The following VPS13D variants were observed in gnomAD, a reference collection of about 807,000 sequenced individuals.
VPS13D encodes intermembrane lipid transfer protein VPS13D.
A neutral mutation model predicts 461.9 loss-of-function variants in VPS13D; 187 were observed. The observed-to-expected ratio is 0.40, with a 90% CI of 0.36 to 0.46. The LOEUF (loss-of-function observed/expected upper bound fraction) is 0.46. Ranked by LOEUF, VPS13D falls within the 20% of genes least tolerant of loss-of-function variation. The pLI is 0.60. For missense variants in VPS13D, 4,711 were observed against 5,364.9 expected (o/e 0.88, Z 3.81); for synonymous variants, 1,951 against 1,986.3 (o/e 0.98, Z 0.47).
At chr1:12,501,371 T>C (rs544114445) in intron 68 of VPS13D, among the ~76,000 whole-genome samples, 2 of 152,350 alleles carry the variant, frequency 1.3e-5, no homozygotes, top group South Asian at 2.1e-4. Flanking sequence ...CAGGAAATAA[T>C]GTACTAGTAA....
intron 57 of VPS13D, among the ~76,000 whole-genome samples, chr1:12,382,195 G>C (rs1299122073): frequency 6.6e-6 from 1 of 151,552 alleles, no homozygotes; most frequent in African/African-American, 2.4e-5. Flanking sequence ...TCCGCCTCCC[G>C]GGCTCAAGCG....
chr1:12,449,094 G>A (rs1279400292), intron 65 of VPS13D, among the ~76,000 whole-genome samples: 1 of 151,910 alleles, frequency 6.6e-6, no homozygotes, highest in African/African-American at 2.4e-5. Context: ...AACATGGTGT[G>A]CATCTTAGGG....
intron 13 of VPS13D, among the ~76,000 whole-genome samples, chr1:12,266,079 C>A (rs1435858652): frequency 6.6e-6 from 1 of 152,160 alleles, no homozygotes; most frequent in Non-Finnish European, 1.5e-5. Context: ...GTAGGAGGAT[C>A]CCTTGAGCCC....
At chr1:12,474,425 G>C (rs993883590) in intron 67 of VPS13D, among the ~76,000 whole-genome samples, 6 of 151,920 alleles carry the variant, frequency 3.9e-5, no homozygotes, top group African/African-American at 1.5e-4. Context: ...GGGCTGATCT[G>C]TCTGACTCCC....
At chr1:12,427,033 T>C (rs1644932300) in intron 65 of VPS13D, among the ~76,000 whole-genome samples, 1 of 151,854 alleles carries the variant, frequency 6.6e-6, no homozygotes, top group African/African-American at 2.4e-5. Context: ...AATAAATAAA[T>C]AAATAAATTT....
intron 26 of VPS13D, among the ~76,000 whole-genome samples, chr1:12,306,796 A>G (rs1642577514): frequency 6.6e-6 from 1 of 152,190 alleles, no homozygotes; most frequent in Non-Finnish European, 1.5e-5. Flanking sequence ...AAACTGTTCC[A>G]CCGCAGATCA....
intron 55 of VPS13D, among the ~76,000 whole-genome samples, chr1:12,376,348 C>G (rs547388706): frequency 5.3e-5 from 8 of 152,316 alleles, no homozygotes; most frequent in Admixed American, 3.3e-4. Flanking sequence ...CCATTTCTCT[C>G]AGTTTCATTT....
rs530609360 is a variant in VPS13D, at chr1:12,280,881, ATAAT to A, written c.4602+1235_4602+1238del. On this transcript the variant is annotated intron_variant, in intron 20 of 69. Transcript: ENST00000620676. ...ATTGTAGATAATTCTTTCTTTAAAA[ATAAT>A]TAAGATAATTATTTGAATTCTTTAA... 6.8e-4 allele frequency among the ~76,000 whole-genome samples: 104 copies of A among 152,238 alleles called. 4 individuals carry two copies. The South Asian group carries it at 0.021, about 30-fold the overall frequency.
chr1:12,400,348 G>A lies in VPS13D; in HGVS notation c.11784+18G>A. ...TCTACAAGGTGGGCTGGTGGAGGAG[G>A]CTGGTGGGTTGATGCCATGCTGGAA... On this transcript the variant is annotated intron_variant, in intron 61 of 69. Coordinates refer to ENST00000620676, the MANE Select transcript of VPS13D (RefSeq NM_015378.4). 6.2e-7 allele frequency: 1 copy of A among 1,613,310 alleles called. No homozygotes were observed. The highest frequency in any genetic ancestry group is 1.1e-5 in the South Asian group (1 of 90,874).
chr1:12,442,269 A>T (rs562226290), intron 65 of VPS13D, among the ~76,000 whole-genome samples: 1 of 152,360 alleles, frequency 6.6e-6, no homozygotes, highest in East Asian at 1.9e-4. Context: ...TGTAATCAAT[A>T]TGTAAAAATT....
At chr1:12,421,653 CA>C (rs1644864734) in intron 65 of VPS13D, among the ~76,000 whole-genome samples, 2 of 152,160 alleles carry the variant, frequency 1.3e-5, no homozygotes, top group Admixed American at 1.3e-4. Context: ...AACAATAGAG[CA>C]AATGATCCCA....
At chr1:12,498,688 C>T (rs1432420166) in intron 68 of VPS13D, among the ~76,000 whole-genome samples, 1 of 152,114 alleles carries the variant, frequency 6.6e-6, no homozygotes, top group Non-Finnish European at 1.5e-5. Flanking sequence ...TTTGTCTTCT[C>T]ACAGTTCTAA....
chr1:12,299,900 C>T lies in VPS13D; in HGVS notation c.6216+516C>T, dbSNP rs1202220221. Among the ~76,000 whole-genome samples the T allele has an allele frequency of 6.7e-6, 1 of 149,840 alleles. No homozygotes were observed. The highest frequency in any genetic ancestry group is 1.5e-5 in the Non-Finnish European group (1 of 67,564). The stretch of plus-strand genomic sequence containing the variant: ...TTTACAGTTTTAAATTACTGTGGCA[C>T]CTTTTTTTTTTTTTCAACTTTTGTT... On this transcript the variant is annotated intron_variant, in intron 25 of 69. Coordinates refer to ENST00000620676, the MANE Select transcript of VPS13D (RefSeq NM_015378.4). This position sits in a 1 kb window ranked among gnomAD's most constrained non-coding sequence, Gnocchi z 4.2.
At chr1:12,450,279 C>T (rs992715477) in intron 65 of VPS13D, among the ~76,000 whole-genome samples, 31 of 152,232 alleles carry the variant, frequency 2.0e-4, no homozygotes, top group Admixed American at 1.6e-3. Flanking sequence ...TTGACTACAT[C>T]GTGGCAACTC....
rs1016034208 is a variant in VPS13D at position 12,504,321 on chromosome 1, CCTT to C, written c.12795-2527_12795-2525del. On this transcript the variant is annotated intron_variant, in intron 68 of 69. Coordinates refer to ENST00000620676, the MANE Select transcript of VPS13D (RefSeq NM_015378.4). ...GCTGTGGCCTCACTCTCTCCCTTCT[CCTT>C]CTTCAGCCAGACCCTTGGCTCTGAT... Among the ~76,000 whole-genome samples, 106 of 151,658 alleles carry C rather than the reference CCTT, an allele frequency of 7.0e-4. 1 individual carries two copies. Among genetic ancestry groups the C allele is most frequent in the South Asian group, 2.5e-3 (12 of 4,812 alleles).
chr1:12,358,018 AAG>A (rs1420451884), intron 49 of VPS13D, among the ~76,000 whole-genome samples: 1 of 151,580 alleles, frequency 6.6e-6, no homozygotes, highest in African/African-American at 2.4e-5. Context: ...AAAAAAAAAA[AAG>A]TATCAGCCCT....
intron 24 of VPS13D, among the ~76,000 whole-genome samples, chr1:12,297,837 TATG>T (rs1435342494): frequency 6.6e-6 from 1 of 152,204 alleles, no homozygotes; most frequent in East Asian, 1.9e-4. Flanking sequence ...GATAATTAGT[TATG>T]ATAATACCTA....
intron 23 of VPS13D, among the ~76,000 whole-genome samples, chr1:12,291,427 G>A (rs1159016173): frequency 1.3e-5 from 2 of 152,226 alleles, no homozygotes; most frequent in South Asian, 2.1e-4. Flanking sequence ...CCAGGAGTTC[G>A]AGACCACCCT....
At chr1:12,425,746 A>G (rs954400142) in intron 65 of VPS13D, among the ~76,000 whole-genome samples, 1 of 152,094 alleles carries the variant, frequency 6.6e-6, no homozygotes, top group Non-Finnish European at 1.5e-5. Flanking sequence ...GATTAAGCCC[A>G]TTTTACAGAT....
Sources: allele counts gnomAD v4.1 joint callset (sites outside exome capture counted in the v4.1 genomes callset), GRCh38; gene constraint gnomAD v4.1.1; non-coding constraint Gnocchi (gnomAD v3.1); transcripts MANE v1.5; gene names NCBI Gene and HGNC (gene_info 2026-07-23, HGNC 2026-07-21).